The following PCDHA1 variants were observed in gnomAD, a reference collection of about 807,000 sequenced individuals.
The protein encoded by PCDHA1 is protocadherin alpha-1.
In PCDHA1, 42 loss-of-function variants were observed where a neutral mutation model predicts 61.3. That is an observed-to-expected ratio of 0.69 (90% CI 0.54 to 0.89). PCDHA1 has a LOEUF of 0.89. PCDHA1 is among the 40% of genes least tolerant of loss of function. The probability of loss-of-function intolerance (pLI) is 0.00; values close to 1 mark genes in which losing one functional copy is unlikely to be tolerated. For synonymous variants in PCDHA1, 610 were observed against 553.8 expected, an observed-to-expected ratio of 1.10 and a Z score of -1.43; for missense variants, 1,256 against 1,235.3, an observed-to-expected ratio of 1.02 and a Z score of -0.25.
chr5:140,901,899 T>C (rs1439841120), intron 1 of PCDHA1, among the ~76,000 whole-genome samples: 2 of 152,152 alleles, frequency 1.3e-5, no homozygotes, highest in Non-Finnish European at 2.9e-5. Flanking sequence ...ATATTTTTCA[T>C]TGTGGAGATC....
At chr5:140,833,313 C>T (rs1412799485) in intron 1 of PCDHA1, among the ~76,000 whole-genome samples, 1 of 152,176 alleles carries the variant, frequency 6.6e-6, no homozygotes, top group Non-Finnish European at 1.5e-5. Context: ...AATTATTTTA[C>T]ATGCCATTGG....
intron 1 of PCDHA1, among the ~76,000 whole-genome samples, chr5:140,794,457 ATAGG>A (rs1761859364): frequency 1.3e-5 from 2 of 152,234 alleles, no homozygotes; most frequent in African/African-American, 4.8e-5. Context: ...GAAATAGAAA[ATAGG>A]ACTGTGGTTA....
chr5:140,822,939 A>G (rs2150120550), intron 1 of PCDHA1: 1 of 1,614,182 alleles, frequency 6.2e-7, no homozygotes, highest in Non-Finnish European at 8.5e-7. Flanking sequence ...CCTGCTCCCT[A>G]ATGCCCCACG....
intron 3 of PCDHA1, among the ~76,000 whole-genome samples, chr5:141,004,088 T>G (rs797038928): frequency 3.4e-4 from 52 of 152,346 alleles, no homozygotes; most frequent in African/African-American, 1.2e-3. Flanking sequence ...GAAATGTGCT[T>G]CTTCCGTTTT....
intron 3 of PCDHA1, among the ~76,000 whole-genome samples, chr5:140,987,599 C>T (rs1475170913): frequency 1.3e-5 from 2 of 152,086 alleles, no homozygotes; most frequent in Non-Finnish European, 2.9e-5. Context: ...GTGGTGTCTA[C>T]CTTATAGGGT....
rs544594142 is a variant in PCDHA1, at chr5:141,011,456, T to C, written c.*1519T>C. On this transcript the variant is annotated 3_prime_UTR_variant, in exon 4 of 4. Transcript: ENST00000504120. Reference sequence around the variant, plus strand: ...TACCTAGAGTGAACTTTAAGCTTTATTGTTGAATGTAATTCCATTATATTT... The same window carrying C: ...TACCTAGAGTGAACTTTAAGCTTTACTGTTGAATGTAATTCCATTATATTT... The C allele has an allele frequency of 1.3e-5, 2 of 153,928 alleles. No homozygotes were observed. The highest frequency in any genetic ancestry group is 6.8e-3 in the Middle Eastern group (2 of 292). 9.5% of individuals were successfully genotyped at this position (153,928 alleles called of 1,614,324 possible).
intron 1 of PCDHA1, chr5:140,927,616 G>T (rs1228559116): frequency 6.2e-7 from 1 of 1,614,164 alleles, no homozygotes; most frequent in South Asian, 1.1e-5. Flanking sequence ...CCGCACCAAG[G>T]TTCCAGAGAC....
intron 3 of PCDHA1, among the ~76,000 whole-genome samples, chr5:141,004,729 T>A (rs782339918): frequency 6.6e-6 from 1 of 152,144 alleles, no homozygotes; most frequent in African/African-American, 2.4e-5. Context: ...TTAAATACAT[T>A]TCTCTCTTTT....
At chr5:140,856,855 T>C in intron 1 of PCDHA1, 3 of 1,594,310 alleles carry the variant, frequency 1.9e-6, no homozygotes, top group Middle Eastern at 1.7e-4. Context: ...CTGATTCGGA[T>C]GAAGGAATAA....
At chr5:140,927,494 T>C (rs1235909927) in intron 1 of PCDHA1, 5 of 1,614,018 alleles carry the variant, frequency 3.1e-6, no homozygotes, top group Non-Finnish European at 4.2e-6. Context: ...ACCCACCTGC[T>C]GGTGCTTACA....
chr5:140,828,263 G>C, intron 1 of PCDHA1: 1 of 1,614,056 alleles, frequency 6.2e-7, no homozygotes, highest in Non-Finnish European at 8.5e-7. Context: ...GGAGCTGGCG[G>C]AGCTGGTGCC....
At chr5:140,970,920 G>A (rs957123423) in intron 1 of PCDHA1, among the ~76,000 whole-genome samples, 2 of 152,266 alleles carry the variant, frequency 1.3e-5, no homozygotes, top group Non-Finnish European at 2.9e-5. Flanking sequence ...TTTATCAGAA[G>A]TGCCTGGTGT....
At chr5:141,002,684 G>C (rs1432098268) in intron 3 of PCDHA1, among the ~76,000 whole-genome samples, 2 of 152,180 alleles carry the variant, frequency 1.3e-5, no homozygotes, top group Non-Finnish European at 2.9e-5. Context: ...TATACGACGT[G>C]CAGATTTGTT....
At chr5:140,816,507 T>TTTTG (rs1554127077) in intron 1 of PCDHA1, 1 of 149,440 alleles carries the variant, frequency 6.7e-6, no homozygotes, top group Non-Finnish European at 1.5e-5. Flanking sequence ...GGAGGTGTGT[T>TTTTG]TGTGTGTGTG....
At chr5:140,980,948 G>C (rs72802987) in intron 2 of PCDHA1, among the ~76,000 whole-genome samples, 1 of 152,206 alleles carries the variant, frequency 6.6e-6, no homozygotes, top group Non-Finnish European at 1.5e-5. Flanking sequence ...CTGGCTCCAG[G>C]ATAGTTACAC....
chr5:140,836,948 A>G (rs1050611194), intron 1 of PCDHA1: 2 of 442,648 alleles, frequency 4.5e-6, no homozygotes, highest in Non-Finnish European at 7.8e-6. Flanking sequence ...ATCAAAATCT[A>G]TGGTTTATGT....
chr5:140,860,055 A>G (rs1466399941), intron 1 of PCDHA1: 6 of 151,228 alleles, frequency 4.0e-5, no homozygotes, highest in African/African-American at 1.2e-4. Context: ...TTGAGAGGCC[A>G]AGGTGGGAGG....
intron 1 of PCDHA1, chr5:140,830,262 C>T (rs151257683): frequency 1.2e-6 from 2 of 1,613,546 alleles, no homozygotes; most frequent in Admixed American, 1.7e-5. Context: ...CTGCGGTGCT[C>T]GGCGCCACCC....
chr5:140,988,324 C>T (rs2097292768), intron 3 of PCDHA1, among the ~76,000 whole-genome samples: 1 of 152,206 alleles, frequency 6.6e-6, no homozygotes, highest in African/African-American at 2.4e-5. Flanking sequence ...CTTTCTCTAC[C>T]CGAGGAAAGT....
Sources: gnomAD v4.1 joint callset for allele counts (sites outside exome capture counted in the v4.1 genomes callset) on GRCh38, gnomAD v4.1.1 for gene constraint, MANE v1.5 for transcripts, NCBI Gene and HGNC (gene_info 2026-07-23, HGNC 2026-07-21) for gene names.